CREB1: variants seen among roughly 807,000 people sequenced by gnomAD.
CREB1 encodes cyclic AMP-responsive element-binding protein 1.
In CREB1, 2 loss-of-function variants were observed where a neutral mutation model predicts 42.0. The ratio of observed to expected loss-of-function variants is 0.05; its 90% CI spans 0.02 to 0.15. CREB1 has a LOEUF of 0.15. CREB1 is among the 10% of genes least tolerant of loss of function. The pLI is 1.00. For synonymous variants in CREB1, 123 were observed against 139.9 expected, an observed-to-expected ratio of 0.88 and a Z score of 0.85; for missense variants, 199 against 388.9, an observed-to-expected ratio of 0.51 and a Z score of 4.11.
In CREB1 at chr2:207,589,149, G is replaced by T. The variant is rs1288293619; in HGVS notation, c.840-7765G>T. On this transcript the variant is annotated intron_variant, in intron 7 of 7. Transcript: ENST00000353267. ...ACTTACTGGCTTAAACAACACAAAT[G>T]TATTGTTTTCCAGTTCTATAAGATC... Among the ~76,000 whole-genome samples the T allele has an allele frequency of 2.0e-5, 3 of 152,082 alleles. No homozygotes were observed. In the East Asian group the frequency reaches 5.8e-4, roughly 29 times the overall value.
chr2:207,605,117 C>A lies in CREB1; in HGVS notation c.*8059C>A, dbSNP rs185814853. Among the ~76,000 whole-genome samples, 1 of 152,218 alleles carries A rather than the reference C, an allele frequency of 6.6e-6. No homozygotes were observed. The highest frequency in any genetic ancestry group is 1.9e-4 in the East Asian group (1 of 5,176). ...TGGAGTTGCTGGGTCATGTTGAAAT[C>A]GCACATTTAACTTTTTGAGGAACTG... On this transcript the variant is annotated 3_prime_UTR_variant, in exon 8 of 8. Coordinates refer to ENST00000353267, the MANE Select transcript of CREB1 (RefSeq NM_004379.5).
At chr2:207,577,115 A>C in intron 6 of CREB1, 1 of 983,564 alleles carries the variant, frequency 1.0e-6, no homozygotes, top group Non-Finnish European at 1.2e-6. Context: ...GCAAGAGTCT[A>C]CTTGAAATTT....
At chr2:207,586,166 G>GGC (rs1265854721) in intron 7 of CREB1, among the ~76,000 whole-genome samples, 1 of 152,130 alleles carries the variant, frequency 6.6e-6, no homozygotes, top group Non-Finnish European at 1.5e-5. Context: ...CAACATGGAA[G>GGC]GCATCACACT....
At chr2:207,564,526 T>A (rs1355983954) in intron 3 of CREB1, among the ~76,000 whole-genome samples, 1 of 149,060 alleles carries the variant, frequency 6.7e-6, no homozygotes, top group Non-Finnish European at 1.5e-5. Flanking sequence ...AAAAAAATCT[T>A]AAAAAAAAAA....
At chr2:207,582,551 C>A (rs1477617399) in intron 7 of CREB1, among the ~76,000 whole-genome samples, 2 of 152,036 alleles carry the variant, frequency 1.3e-5, no homozygotes, top group Non-Finnish European at 2.9e-5. Context: ...TCTTCTGTGT[C>A]CTTTTGACAT....
intron 7 of CREB1, among the ~76,000 whole-genome samples, chr2:207,594,745 T>A (rs150720053): frequency 6.6e-6 from 1 of 152,296 alleles, no homozygotes; most frequent in African/African-American, 2.4e-5. Flanking sequence ...AAAAGTGGGA[T>A]TGCTGGATCA....
At chr2:207,582,811 C>T (rs901240713) in intron 7 of CREB1, 7 of 311,286 alleles carry the variant, frequency 2.2e-5, no homozygotes, top group Admixed American at 1.1e-4. Flanking sequence ...AAGAATTGTG[C>T]GAACCTGGGA....
intron 7 of CREB1, chr2:207,582,920 T>G: frequency 3.7e-6 from 1 of 266,852 alleles, no homozygotes. Flanking sequence ...CAAAAAAAAA[T>G]ATATATATAT....
intron 6 of CREB1, among the ~76,000 whole-genome samples, chr2:207,575,852 T>G (rs2082552099): frequency 6.6e-6 from 1 of 151,656 alleles, no homozygotes; most frequent in South Asian, 2.1e-4. Context: ...TGTTGTTGTT[T>G]TTGTTTTTTC....
At chr2:207,563,859 A>G (rs2551918) in intron 3 of CREB1, among the ~76,000 whole-genome samples, 147,189 of 152,174 alleles carry the variant, frequency 0.97, 71,388 homozygotes, top group East Asian at 1. Flanking sequence ...CACGAGAATC[A>G]CTTGAACCCT....
intron 7 of CREB1, among the ~76,000 whole-genome samples, chr2:207,587,577 C>T (rs1296329679): frequency 6.6e-6 from 1 of 151,930 alleles, no homozygotes; most frequent in Non-Finnish European, 1.5e-5. Context: ...AAGAAAATTG[C>T]AGTATATATA....
In CREB1 at chr2:207,603,855, A is replaced by G. The variant is rs970683982; in HGVS notation, c.*6797A>G. ...ATCTTTGCTTAAGCTGTAAGAATAAAAAAGTTATCTCCTATACTATTAACT... is the reference window on the plus strand; with the variant it reads ...ATCTTTGCTTAAGCTGTAAGAATAAGAAAGTTATCTCCTATACTATTAACT... On this transcript the variant is annotated 3_prime_UTR_variant, in exon 8 of 8. Transcript: ENST00000353267. 6.6e-6 allele frequency among the ~76,000 whole-genome samples: 1 copy of G among 152,222 alleles called. No homozygotes were observed. Among genetic ancestry groups the G allele is most frequent in the Non-Finnish European group, 1.5e-5 (1 of 68,032 alleles).
intron 1 of CREB1, among the ~76,000 whole-genome samples, chr2:207,531,794 A>C (rs2106319870): frequency 6.6e-6 from 1 of 152,380 alleles, no homozygotes; most frequent in East Asian, 1.9e-4. Context: ...ATTGATTGGC[A>C]GCAGAAGCAC....
chr2:207,578,236 T>C (rs1167154907), intron 7 of CREB1, among the ~76,000 whole-genome samples: 1 of 152,180 alleles, frequency 6.6e-6, no homozygotes, highest in Non-Finnish European at 1.5e-5. Flanking sequence ...CTGTGAAATG[T>C]TGGTAAAGCA....
rs150768941 is a variant in CREB1 at position 207,556,823 on chromosome 2, T to C, written c.114+1074T>C. Among the ~76,000 whole-genome samples, 352 of 152,272 alleles carry C rather than the reference T, an allele frequency of 2.3e-3. 1 individual carries two copies. The highest frequency in any genetic ancestry group is 3.8e-3 in the Non-Finnish European group (256 of 68,012). On this transcript the variant is annotated intron_variant, in intron 2 of 7. Coordinates refer to ENST00000353267, the MANE Select transcript of CREB1 (RefSeq NM_004379.5). The stretch of plus-strand genomic sequence containing the variant: ...AAGAATCTGGGCTCATCTGTATATT[T>C]TGCCCTTTAGAAAGAGGAAGACACA...
In CREB1 at chr2:207,580,681, A is replaced by G. The variant is rs2082856040; in HGVS notation, c.839+3026A>G. On this transcript the variant is annotated intron_variant, in intron 7 of 7. Transcript: ENST00000353267. ...ATTTCAAGATGAAGGTAAGTGGTAA[A>G]CATTCTAAAAGAAAGTGTAGACAGC... 1.8e-5 allele frequency: 4 copies of G among 221,342 alleles called. No individual in the cohort carries two copies. In the Admixed American group the frequency reaches 2.3e-4, roughly 13 times the overall value. The allele number at this position is 221,342 out of a possible 1,614,324, so 13.7% of individuals were successfully genotyped here.
At chr2:207,573,075 G>C (rs983870932) in intron 5 of CREB1, among the ~76,000 whole-genome samples, 2 of 152,160 alleles carry the variant, frequency 1.3e-5, no homozygotes, top group Non-Finnish European at 2.9e-5. Flanking sequence ...TATGACTCAT[G>C]ATGTTTCCCT....
chr2:207,533,722 C>T (rs1247460298), intron 1 of CREB1, among the ~76,000 whole-genome samples: 1 of 151,310 alleles, frequency 6.6e-6, no homozygotes, highest in Non-Finnish European at 1.5e-5. Flanking sequence ...TTTTTCTTAC[C>T]CATGTGTAAA....
At chr2:207,549,087 T>G (rs2081403044) in intron 1 of CREB1, among the ~76,000 whole-genome samples, 1 of 152,232 alleles carries the variant, frequency 6.6e-6, no homozygotes, top group Non-Finnish European at 1.5e-5. Flanking sequence ...TATTTTCATT[T>G]ATCACATTGT....
Sources: allele counts gnomAD v4.1 joint callset (sites outside exome capture counted in the v4.1 genomes callset), GRCh38; gene constraint gnomAD v4.1.1; transcripts MANE v1.5; gene names NCBI Gene and HGNC (gene_info 2026-07-23, HGNC 2026-07-21).